ZNF510: variants seen among roughly 807,000 people sequenced by gnomAD.
The protein encoded by ZNF510 is zinc finger protein 510.
Under a neutral mutation model 18.1 loss-of-function variants are expected in ZNF510, and 15 were observed. The ratio of observed to expected loss-of-function variants is 0.83; its 90% CI spans 0.55 to 1.28. ZNF510 has a LOEUF of 1.28. Among genes scored for constraint, ZNF510 ranks in the 50% most tolerant of loss-of-function variants. The pLI, the probability that ZNF510 is intolerant of heterozygous loss-of-function variation, is 0.00. For synonymous variants in ZNF510, 261 were observed against 266.4 expected, an observed-to-expected ratio of 0.98 and a Z score of 0.20; for missense variants, 724 against 791.8, an observed-to-expected ratio of 0.91 and a Z score of 1.03.
In ZNF510 at chr9:96,759,970, A is replaced by G; in HGVS notation, c.860T>C (p.Phe287Ser). The G allele has an allele frequency of 6.2e-7, 1 of 1,612,914 alleles. No individual in the cohort carries two copies. Among genetic ancestry groups the G allele is most frequent in the Non-Finnish European group, 8.5e-7 (1 of 1,179,818 alleles). ...TGETSSKDDE[F>S]RKNCDKKTLF... ...AGTTTTCTTATCACAATTTTTCCTA[A>G]ATTCATCATCTTTAGAGGATGTTTC... Residue 287 changes from phenylalanine to serine, a missense_variant, in exon 6 of 6, where the codon TTT becomes TCT. Transcript: ENST00000223428.
At position 96,757,692 on chromosome 9, in the gene ZNF510, T is replaced by C. The variant is rs1271043287; in HGVS notation, c.*1086A>G. On this transcript the variant is annotated 3_prime_UTR_variant, in exon 6 of 6. Transcript: ENST00000223428. ...GGTATACTGAACCCTGTATATACTATATTTTTTTCCTACATATACACATGC... is the reference window on the plus strand; with the variant it reads ...GGTATACTGAACCCTGTATATACTACATTTTTTTCCTACATATACACATGC... 1 of 152,212 alleles carries C rather than the reference T, an allele frequency of 6.6e-6. No homozygotes were observed. Among genetic ancestry groups the C allele is most frequent in the African/African-American group, 2.4e-5 (1 of 41,466 alleles). 9.4% of individuals were successfully genotyped at this position (152,212 alleles called of 1,614,324 possible).
At chr9:96,761,210 C>T (rs1040006692) in intron 5 of ZNF510, among the ~76,000 whole-genome samples, 1 of 152,192 alleles carries the variant, frequency 6.6e-6, no homozygotes, top group Non-Finnish European at 1.5e-5. Flanking sequence ...TCCATCAGAA[C>T]TAAGTGCTAA....
intron 3 of ZNF510, among the ~76,000 whole-genome samples, chr9:96,771,272 G>A (rs1303374960): frequency 2.6e-5 from 4 of 152,052 alleles, no homozygotes; most frequent in African/African-American, 9.7e-5. Flanking sequence ...TAAAGTGATA[G>A]CACTACCTTA....
At position 96,764,162 on chromosome 9, in the gene ZNF510, C is replaced by T. The variant is rs1375432510; in HGVS notation, c.130-530G>A. 2.7e-5 allele frequency among the ~76,000 whole-genome samples: 4 copies of T among 149,836 alleles called. No homozygotes were observed. The East Asian group carries it at 5.8e-4, about 22-fold the overall frequency. ...TATATACATATACTATAAATAGATA[C>T]ATTACTAAAACTTTTTTTTTATTCT... On this transcript the variant is annotated intron_variant, in intron 3 of 5. Coordinates refer to ENST00000223428, the MANE Select transcript of ZNF510 (RefSeq NM_014930.3).
chr9:96,758,614 A>C lies in ZNF510; in HGVS notation c.*164T>G. On this transcript the variant is annotated 3_prime_UTR_variant, in exon 6 of 6. Transcript: ENST00000223428. ...GCATTTTGGACACAATTCTTCCTGC[A>C]TTCATCTTCATCTGGTTTCTTTCCT... 1 of 672,178 alleles carries C rather than the reference A, an allele frequency of 1.5e-6. No homozygotes were observed. Among genetic ancestry groups the C allele is most frequent in the South Asian group, 2.4e-5 (1 of 41,292 alleles). 41.6% of individuals were successfully genotyped at this position (672,178 alleles called of 1,614,324 possible). A position where few individuals can be genotyped will look rare whatever the true frequency, so the allele number is the denominator to read the frequency against.
At chr9:96,762,379 G>A (rs1273171460) in intron 5 of ZNF510, among the ~76,000 whole-genome samples, 1 of 151,566 alleles carries the variant, frequency 6.6e-6, no homozygotes, top group Non-Finnish European at 1.5e-5. Flanking sequence ...TGTGGTGGCA[G>A]GTGCCTGTAC....
rs985928492 is a variant in ZNF510, at chr9:96,755,609, G to GA, written c.*3168dup. Among the ~76,000 whole-genome samples the GA allele has an allele frequency of 6.6e-6, 1 of 152,090 alleles. No homozygotes were observed. Among genetic ancestry groups the GA allele is most frequent in the African/African-American group, 2.4e-5 (1 of 41,408 alleles). ...AAACTTGATTCAATTATCCTTCTGTGAAAAATTCAGTAGCAGGCCAGAAAG... is the reference window on the plus strand; with the variant it reads ...AAACTTGATTCAATTATCCTTCTGTGAAAAAATTCAGTAGCAGGCCAGAAAG... On this transcript the variant is annotated 3_prime_UTR_variant, in exon 6 of 6. Coordinates refer to ENST00000223428, the MANE Select transcript of ZNF510 (RefSeq NM_014930.3).
At position 96,755,021 on chromosome 9, in the gene ZNF510, A is replaced by G. The variant is rs1849162926; in HGVS notation, c.*3757T>C. On this transcript the variant is annotated 3_prime_UTR_variant, in exon 6 of 6. Transcript: ENST00000223428. ...AACCAGGCAAGGAGAGGGAGCATAC[A>G]TGACTAGAGCACAGACCATGGTCTC... Among the ~76,000 whole-genome samples, 2 of 152,186 alleles carry G rather than the reference A, an allele frequency of 1.3e-5. No individual in the cohort carries two copies. Among genetic ancestry groups the G allele is most frequent in the South Asian group, 4.1e-4 (2 of 4,832 alleles).
chr9:96,766,582 C>CCTGA (rs59314282), intron 3 of ZNF510, among the ~76,000 whole-genome samples: 8,966 of 151,934 alleles, frequency 0.059, 874 homozygotes, highest in African/African-American at 0.2. Flanking sequence ...AATTAACCAA[C>CCTGA]CTGACTGACA....
intron 4 of ZNF510, 88 bp from the exon 5 acceptor site, chr9:96,763,301 T>A: frequency 6.9e-7 from 1 of 1,446,546 alleles, no homozygotes. Context: ...TTGGAAGCAG[T>A]ATCCTGAAAG....
In ZNF510 at chr9:96,759,147, T is replaced by C; in HGVS notation, c.1683A>G (p.Gln561=). Residue 561 remains glutamine (Q), a synonymous_variant, in exon 6 of 6, where the codon CAA becomes CAG. Transcript: ENST00000223428. ...TCTCTCCCGTGTGAGTTTTCTGATG[T>C]TGAATGAGATGATCTTTTCGCCAGA... ...KSFWRKDHLI[Q]HQKTHTGEKP... is the part of the protein sequence containing the mutation. The C allele has an allele frequency of 6.2e-7, 1 of 1,614,088 alleles. No homozygotes were observed. The highest frequency in any genetic ancestry group is 1.1e-5 in the South Asian group (1 of 91,080).
At chr9:96,774,565 T>C (rs576032216) in intron 3 of ZNF510, among the ~76,000 whole-genome samples, 1 of 151,290 alleles carries the variant, frequency 6.6e-6, no homozygotes, top group South Asian at 2.1e-4. Flanking sequence ...TCTGGCTCTC[T>C]GCCATGGCTA....
chr9:96,769,768 T>A lies in ZNF510; in HGVS notation c.129+5020A>T, dbSNP rs372466991. 6.0e-4 allele frequency among the ~76,000 whole-genome samples: 91 copies of A among 152,310 alleles called. 2 individuals carry two copies. In the South Asian group the frequency reaches 0.011, roughly 19 times the overall value. ...ATCCAAAATGGGCAAAGGACTTGGA[T>A]AGACATTTCTCCAAAGATGATAAAC... On this transcript the variant is annotated intron_variant, in intron 3 of 5. Transcript: ENST00000223428.
chr9:96,766,380 A>AT (rs542441576), intron 3 of ZNF510, among the ~76,000 whole-genome samples: 2,046 of 145,644 alleles, frequency 0.014, 19 homozygotes, highest in Non-Finnish European at 0.022. Flanking sequence ...ACCACTACCA[A>AT]TTTTTTTTTT....
intron 2 of ZNF510, among the ~76,000 whole-genome samples, chr9:96,775,525 CTA>C (rs1250829761): frequency 1.3e-5 from 2 of 152,184 alleles, no homozygotes; most frequent in Non-Finnish European, 2.9e-5. Flanking sequence ...TGCTGAAAGA[CTA>C]TTTTAAAATA....
chr9:96,762,959 A>T, intron 5 of ZNF510, 159 bp downstream of exon 5: 1 of 590,546 alleles, frequency 1.7e-6, no homozygotes, highest in Non-Finnish European at 3.0e-6. Flanking sequence ...TCTTACTTTT[A>T]ATGGAATCAA....
intron 3 of ZNF510, among the ~76,000 whole-genome samples, chr9:96,768,310 C>CA (rs1454644142): frequency 6.6e-6 from 1 of 152,152 alleles, no homozygotes; most frequent in Non-Finnish European, 1.5e-5. Flanking sequence ...AGGAATAAGA[C>CA]AGGGATGCCT....
Position 96,760,028 on chromosome 9 carries a change from T to G in ZNF510, c.802A>C (p.Asn268His), listed in dbSNP as rs2117931613. Residue 268 changes from asparagine (N) to histidine (H), a missense_variant, in exon 6 of 6, where the codon AAC becomes CAC. Physicochemically the swap from Asn to His is moderately conservative, Grantham distance 68 (BLOSUM62 1). Transcript: ENST00000223428. Reference sequence around the variant, plus strand: ...TGAGAACTGTTATGTTTAACACAGTTAGCCTTATCATTAAAGGCTTTTCCA... The same window carrying G: ...TGAGAACTGTTATGTTTAACACAGTGAGCCTTATCATTAAAGGCTTTTCCA... ...KIGKAFNDKA[N>H]CVKHNSSHTG... 1 of 1,612,574 alleles carries G rather than the reference T, an allele frequency of 6.2e-7. No individual in the cohort carries two copies. The highest frequency in any genetic ancestry group is 2.2e-5 in the East Asian group (1 of 44,846).
intron 5 of ZNF510, among the ~76,000 whole-genome samples, chr9:96,762,056 G>T (rs1849358344): frequency 6.6e-6 from 1 of 151,770 alleles, no homozygotes; most frequent in Admixed American, 6.6e-5. Context: ...GGAGACTTAG[G>T]GTGGGAAGGG....
Sources: gnomAD v4.1 joint callset for allele counts (sites outside exome capture counted in the v4.1 genomes callset) on GRCh38, gnomAD v4.1.1 for gene constraint, MANE v1.5 for transcripts, NCBI Gene and HGNC (gene_info 2026-07-23, HGNC 2026-07-21) for gene names.